The following TRHDE variants were observed in gnomAD, a reference collection of about 807,000 sequenced individuals.
TRHDE encodes thyrotropin-releasing hormone-degrading ectoenzyme.
Under a neutral mutation model 125.7 loss-of-function variants are expected in TRHDE, and 72 were observed. The observed-to-expected ratio is 0.57, with a 90% CI of 0.47 to 0.70. The LOEUF is 0.70. Among genes scored for constraint, TRHDE ranks in the 30% least tolerant of loss-of-function variants. TRHDE has a pLI of 0.00. For synonymous variants in TRHDE, 509 were observed against 509.1 expected, an observed-to-expected ratio of 1.00 and a Z score of 0.00; for missense variants, 1,110 against 1,327.1, an observed-to-expected ratio of 0.84 and a Z score of 2.54.
At chr12:72,159,946 T>C (rs1876599499) in intron 2 of TRHDE, among the ~76,000 whole-genome samples, 2 of 152,284 alleles carry the variant, frequency 1.3e-5, no homozygotes, top group South Asian at 4.1e-4. Flanking sequence ...TTTATAGCAT[T>C]CTTGATCTTT....
intron 1 of TRHDE, among the ~76,000 whole-genome samples, chr12:72,093,369 C>A (rs1874836446): frequency 6.6e-6 from 1 of 152,154 alleles, no homozygotes; most frequent in Admixed American, 6.5e-5. Context: ...TAGATTCCTC[C>A]CAAGAGTTGT....
At chr12:72,453,257 G>T (rs765692946) in intron 3 of TRHDE, among the ~76,000 whole-genome samples, 30 of 152,166 alleles carry the variant, frequency 2.0e-4, no homozygotes, top group Non-Finnish European at 4.3e-4. Context: ...CTGGAACAAA[G>T]GTCACTTATG....
At chr12:72,196,802 C>A (rs536162161) in intron 2 of TRHDE, among the ~76,000 whole-genome samples, 17 of 152,052 alleles carry the variant, frequency 1.1e-4, no homozygotes, top group Admixed American at 6.6e-4. Context: ...TCTCTAGTTT[C>A]ATCACTTTTT....
intron 1 of TRHDE, chr12:72,275,037 G>T (rs1185302027): frequency 6.6e-6 from 1 of 152,198 alleles, no homozygotes; most frequent in African/African-American, 2.4e-5. Context: ...AGAAGAGGAG[G>T]CAGGTTACAG....
chr12:72,176,264 A>G (rs1201746684), intron 2 of TRHDE, among the ~76,000 whole-genome samples: 1 of 152,208 alleles, frequency 6.6e-6, no homozygotes, highest in African/African-American at 2.4e-5. Flanking sequence ...CCAGCTACTC[A>G]GGAAGCCTAG....
rs1051359601 is a variant in TRHDE, at chr12:72,331,400, A to T, written c.1188+44446A>T. On this transcript the variant is annotated intron_variant, in intron 2 of 18. Coordinates refer to ENST00000261180, the MANE Select transcript of TRHDE (RefSeq NM_013381.3). The stretch of plus-strand genomic sequence containing the variant: ...TGAAGATCATTAATTCTCTTTACTT[A>T]CTTAGCAACAAGAAAGTTAACTCTC... Among the ~76,000 whole-genome samples the T allele has an allele frequency of 3.0e-5, 2 of 67,064 alleles. 1 individual carries two copies. Among genetic ancestry groups the T allele is most frequent in the Non-Finnish European group, 9.0e-5 (2 of 22,300 alleles). The allele number at this position is 67,064 out of a possible 152,430, so 44.0% of individuals were successfully genotyped here. A position where few individuals can be genotyped will look rare whatever the true frequency, so the allele number is the denominator to read the frequency against.
At chr12:72,363,837 G>T (rs1871226858) in intron 2 of TRHDE, among the ~76,000 whole-genome samples, 2 of 152,088 alleles carry the variant, frequency 1.3e-5, no homozygotes, top group South Asian at 4.2e-4. Flanking sequence ...AATTGTCCCT[G>T]TTTGCAGACG....
intron 2 of TRHDE, among the ~76,000 whole-genome samples, chr12:72,222,658 A>G (rs990491580): frequency 6.6e-6 from 1 of 152,116 alleles, no homozygotes; most frequent in African/African-American, 2.4e-5. Context: ...CTTTTTGCTT[A>G]CTAGTGTCCT....
At chr12:72,570,891 A>C (rs1488594569) in intron 10 of TRHDE, among the ~76,000 whole-genome samples, 2 of 152,204 alleles carry the variant, frequency 1.3e-5, no homozygotes, top group African/African-American at 2.4e-5. Context: ...TTAATGAAAA[A>C]GGACACATTC....
At chr12:72,295,803 A>C (rs1880277223) in intron 2 of TRHDE, among the ~76,000 whole-genome samples, 1 of 151,914 alleles carries the variant, frequency 6.6e-6, no homozygotes, top group African/African-American at 2.4e-5. Flanking sequence ...TTTTTTTTTA[A>C]ATCACGTTAC....
At chr12:72,328,729 T>C (rs1869452025) in intron 2 of TRHDE, among the ~76,000 whole-genome samples, 1 of 152,208 alleles carries the variant, frequency 6.6e-6, no homozygotes, top group African/African-American at 2.4e-5. Flanking sequence ...AGTAATTTTA[T>C]AGAGAGGAAA....
chr12:72,188,665 G>C (rs1877277785), intron 2 of TRHDE, among the ~76,000 whole-genome samples: 1 of 152,178 alleles, frequency 6.6e-6, no homozygotes, highest in Non-Finnish European at 1.5e-5. Flanking sequence ...TGTGGGCCTA[G>C]TGTTGCCACA....
rs191211014 is a variant in TRHDE, at chr12:72,349,388, C to T, written c.1189-28607C>T. On this transcript the variant is annotated intron_variant, in intron 2 of 18. Coordinates refer to ENST00000261180, the MANE Select transcript of TRHDE (RefSeq NM_013381.3). ...CATGGCAATCTTGAAAGGAATATCA[C>T]CAGCAATGCTGTTATCAGAGGGACT... 2.2e-3 allele frequency among the ~76,000 whole-genome samples: 330 copies of T among 152,124 alleles called. 2 individuals carry two copies. The highest frequency in any genetic ancestry group is 3.2e-3 in the Non-Finnish European group (219 of 67,984).
chr12:72,434,744 C>T (rs1874662555), intron 3 of TRHDE, among the ~76,000 whole-genome samples: 1 of 152,122 alleles, frequency 6.6e-6, no homozygotes, highest in Non-Finnish European at 1.5e-5. Context: ...ATGAAAGGCT[C>T]ATGTAAATAA....
At chr12:72,598,327 GTAGA>G (rs1289650351) in intron 12 of TRHDE, among the ~76,000 whole-genome samples, 5 of 152,148 alleles carry the variant, frequency 3.3e-5, no homozygotes, top group Admixed American at 1.3e-4. Context: ...ACTTCAAGGA[GTAGA>G]TAGTTTTGCC....
At chr12:72,389,261 G>C (rs548275409) in intron 3 of TRHDE, among the ~76,000 whole-genome samples, 22 of 152,196 alleles carry the variant, frequency 1.4e-4, no homozygotes, top group African/African-American at 4.8e-4. Context: ...CCCTAAGGAG[G>C]AGGAGATCTG....
chr12:72,417,439 C>T (rs76166400), intron 3 of TRHDE, among the ~76,000 whole-genome samples: 6 of 151,968 alleles, frequency 3.9e-5, no homozygotes, highest in Non-Finnish European at 8.8e-5. Flanking sequence ...CCTGTACAGT[C>T]TGGGACAAGC....
intron 5 of TRHDE, among the ~76,000 whole-genome samples, chr12:72,490,992 CAAAA>C (rs71438815): frequency 8.4e-6 from 1 of 119,344 alleles, no homozygotes; most frequent in African/African-American, 2.8e-5. Flanking sequence ...GCCACAAAAC[CAAAA>C]AAAAAAAAAA....
intron 2 of TRHDE, among the ~76,000 whole-genome samples, chr12:72,363,325 A>AG (rs1871197141): frequency 6.7e-6 from 1 of 150,246 alleles, no homozygotes; most frequent in African/African-American, 2.4e-5. Flanking sequence ...ACCAAAAAAG[A>AG]ATTTTAGTCC....
Sources: gnomAD v4.1 joint callset for allele counts (sites outside exome capture counted in the v4.1 genomes callset) on GRCh38, gnomAD v4.1.1 for gene constraint, MANE v1.5 for transcripts, NCBI Gene and HGNC (gene_info 2026-07-23, HGNC 2026-07-21) for gene names.